Variants in ANKRD12 observed in about 807,000 individuals in gnomAD.
The protein encoded by ANKRD12 is ankyrin repeat domain 12, also known as ankyrin repeat domain-containing protein 12.
ANKRD12 carries 85 observed loss-of-function variants against 183.4 expected under a neutral mutation model. The ratio of observed to expected loss-of-function variants is 0.46; its 90% confidence interval spans 0.39 to 0.56. ANKRD12 has a LOEUF of 0.56. Among genes scored for constraint, ANKRD12 ranks in the 20% least tolerant of loss-of-function variants. The probability of loss-of-function intolerance (pLI) is 0.00; values close to 1 mark genes in which losing one functional copy is unlikely to be tolerated. For missense variants in ANKRD12, 2,405 were observed against 2,357.1 expected, an observed-to-expected ratio of 1.02 and a Z score of -0.42; for synonymous variants, 914 against 800.2, an observed-to-expected ratio of 1.14 and a Z score of -2.40.
intron 2 of ANKRD12, among the ~76,000 whole-genome samples, chr18:9,184,723 T>C (rs911647050): frequency 2.0e-5 from 3 of 152,096 alleles, no homozygotes; most frequent in Non-Finnish European, 2.9e-5. Context: ...TCGCATGCCA[T>C]ACATTTAAAG....
chr18:9,162,455 G>A (rs1488442477), intron 1 of ANKRD12, among the ~76,000 whole-genome samples: 1 of 152,088 alleles, frequency 6.6e-6, no homozygotes, highest in Non-Finnish European at 1.5e-5. Context: ...TATCATTGAT[G>A]GGCATTGGGG....
chr18:9,260,927 G>A (rs1372221192), intron 9 of ANKRD12, among the ~76,000 whole-genome samples: 1 of 152,114 alleles, frequency 6.6e-6, no homozygotes, highest in South Asian at 2.1e-4. Flanking sequence ...GCACTGAGCT[G>A]AACTTACCCA....
In ANKRD12 at chr18:9,256,058, A is replaced by C. The variant is rs776264050; in HGVS notation, c.2791A>C (p.Met931Leu). 1 of 1,561,278 alleles carries C rather than the reference A, an allele frequency of 6.4e-7. No homozygotes were observed. The highest frequency in any genetic ancestry group is 8.6e-7 in the Non-Finnish European group (1 of 1,159,974). The change falls in exon 9 of 13, where the codon ATG becomes CTG. Residue 931 changes from methionine (M) to leucine (L), a missense_variant. Around this residue, in one of 7 missense-constraint regions of ANKRD12, gnomAD observed 1,983 missense variants for 1,725.9 expected, o/e 1.15. Coordinates refer to ENST00000262126, the MANE Select transcript of ANKRD12 (RefSeq NM_015208.5). ...HLAESKEKHL[M>L]EKKNKQSDNS... The stretch of plus-strand genomic sequence containing the variant: ...AGCAGAAAGCAAAGAAAAGCACTTG[A>C]TGGAGAAAAAAAATAAACAATCAGA...
At chr18:9,248,157 G>A (rs2038073038) in intron 8 of ANKRD12, among the ~76,000 whole-genome samples, 2 of 152,212 alleles carry the variant, frequency 1.3e-5, no homozygotes, top group Admixed American at 6.5e-5. Context: ...CAGTTTACCT[G>A]TAGTGATTTG....
rs1340139102 is a variant in ANKRD12, at chr18:9,283,573, T to A, written c.*2447T>A. 6.6e-6 allele frequency: 1 copy of A among 152,612 alleles called. No individual in the cohort carries two copies. Among genetic ancestry groups the A allele is most frequent in the Admixed American group, 6.5e-5 (1 of 15,274 alleles). The allele number at this position is 152,612 out of a possible 1,614,324, so 9.5% of individuals were successfully genotyped here. Reference sequence around the variant, plus strand: ...GAATGGAGTATATGCCTGAAAAGGTTTTGGATTCAGAAAGAAAAAGGATGG... The same window carrying A: ...GAATGGAGTATATGCCTGAAAAGGTATTGGATTCAGAAAGAAAAAGGATGG... On this transcript the variant is annotated 3_prime_UTR_variant, in exon 13 of 13. Coordinates refer to ENST00000262126, the MANE Select transcript of ANKRD12 (RefSeq NM_015208.5).
intron 8 of ANKRD12, among the ~76,000 whole-genome samples, chr18:9,237,312 A>T (rs1272738031): frequency 6.6e-6 from 1 of 152,210 alleles, no homozygotes; most frequent in Non-Finnish European, 1.5e-5. Context: ...TTGGTCAAAG[A>T]TTGATGGTCA....
intron 10 of ANKRD12, among the ~76,000 whole-genome samples, chr18:9,271,848 A>G (rs969498267): frequency 6.6e-6 from 1 of 152,172 alleles, no homozygotes; most frequent in Non-Finnish European, 1.5e-5. Flanking sequence ...AAATAAAGAC[A>G]TAATTTTTTC....
chr18:9,192,129 T>C (rs1402642043), intron 2 of ANKRD12, among the ~76,000 whole-genome samples: 1 of 152,154 alleles, frequency 6.6e-6, no homozygotes, highest in African/African-American at 2.4e-5. Flanking sequence ...AGCAGTAATA[T>C]CCTGATTTGT....
Position 9,211,852 on chromosome 18 carries a change from A to T in ANKRD12, c.652+68A>T, listed in dbSNP as rs2035820630. ...TTAAACAGATCCTGGTTACAATTTA[A>T]TCTACATTCTTTTATTCATTTTGCT... On this transcript the variant is annotated intron_variant, in intron 6 of 12. Transcript: ENST00000262126. 4 of 1,296,316 alleles carry T rather than the reference A, an allele frequency of 3.1e-6. No individual in the cohort carries two copies. In the Admixed American group the frequency reaches 8.1e-5, roughly 26 times the overall value. 80.3% of individuals were successfully genotyped at this position (1,296,316 alleles called of 1,614,324 possible).
intron 6 of ANKRD12, among the ~76,000 whole-genome samples, chr18:9,212,774 TATC>T (rs1325459937): frequency 6.6e-6 from 1 of 151,914 alleles, no homozygotes; most frequent in African/African-American, 2.4e-5. Flanking sequence ...AACTGGATAT[TATC>T]AACTTTTAAT....
chr18:9,214,351 A>G (rs1315106730), intron 6 of ANKRD12, among the ~76,000 whole-genome samples: 1 of 151,214 alleles, frequency 6.6e-6, no homozygotes, highest in Admixed American at 6.6e-5. Flanking sequence ...GTATTAAATC[A>G]TAGCTGCATA....
At position 9,266,845 on chromosome 18, in the gene ANKRD12, C is replaced by T. The variant is rs550728646; in HGVS notation, c.5763+2957C>T. Reference sequence around the variant, plus strand: ...GCAAATTGGATAAAGAGTCAAGACCCATCAGTGTGCTGTATTCAGGAAACC... The same window carrying T: ...GCAAATTGGATAAAGAGTCAAGACCTATCAGTGTGCTGTATTCAGGAAACC... On this transcript the variant is annotated intron_variant, in intron 10 of 12. Transcript: ENST00000262126. Among the ~76,000 whole-genome samples, 619 of 152,242 alleles carry T rather than the reference C, an allele frequency of 4.1e-3. 4 individuals are homozygous for T. Among genetic ancestry groups the T allele is most frequent in the African/African-American group, 0.014 (583 of 41,542 alleles).
At chr18:9,151,692 C>T (rs964376389) in intron 1 of ANKRD12, among the ~76,000 whole-genome samples, 1 of 152,090 alleles carries the variant, frequency 6.6e-6, no homozygotes, top group African/African-American at 2.4e-5. Context: ...TCGAAGAAAG[C>T]GTTTTTGCCC....
At position 9,252,240 on chromosome 18, in the gene ANKRD12, G is replaced by C. The variant is rs541700863; in HGVS notation, c.944-1971G>C. On this transcript the variant is annotated intron_variant, in intron 8 of 12. Coordinates refer to ENST00000262126, the MANE Select transcript of ANKRD12 (RefSeq NM_015208.5). ...TGAGTGATTAAATTTAAAAATTGGG[G>C]ACTGCTCAGGTAAAGAAAGGGAAGT... is the stretch of plus-strand genomic sequence containing the variant. Among the ~76,000 whole-genome samples the C allele has an allele frequency of 3.3e-5, 5 of 152,292 alleles. No homozygotes were observed. The South Asian group carries it at 1.0e-3, about 32-fold the overall frequency.
At chr18:9,154,364 A>G (rs939026828) in intron 1 of ANKRD12, among the ~76,000 whole-genome samples, 3 of 152,126 alleles carry the variant, frequency 2.0e-5, no homozygotes, top group Admixed American at 6.5e-5. Flanking sequence ...GTGCACCATG[A>G]TCATGCCACT....
chr18:9,185,085 T>C (rs1188838412), intron 2 of ANKRD12, among the ~76,000 whole-genome samples: 1 of 152,074 alleles, frequency 6.6e-6, no homozygotes, highest in Non-Finnish European at 1.5e-5. Flanking sequence ...AAAGTGAAAG[T>C]AAAGGGTAGT....
chr18:9,247,662 T>C (rs758841013), intron 8 of ANKRD12, among the ~76,000 whole-genome samples: 1 of 152,220 alleles, frequency 6.6e-6, no homozygotes, highest in African/African-American at 2.4e-5. Flanking sequence ...TCTATAGATA[T>C]TCCCCCTCCT....
At chr18:9,196,008 A>G (rs2034761428) in intron 3 of ANKRD12, among the ~76,000 whole-genome samples, 1 of 152,120 alleles carries the variant, frequency 6.6e-6, no homozygotes, top group African/African-American at 2.4e-5. Flanking sequence ...GCATTGGGAT[A>G]TGCAGATTTG....
intron 1 of ANKRD12, among the ~76,000 whole-genome samples, chr18:9,157,557 G>A (rs4798779): frequency 0.59 from 53,429 of 90,214 alleles, 13,147 homozygotes; most frequent in South Asian, 0.66. Flanking sequence ...GTGGGTGTGT[G>A]TGTGTGTGTG....
Sources: allele counts gnomAD v4.1 joint callset (sites outside exome capture counted in the v4.1 genomes callset), GRCh38; gene constraint gnomAD v4.1.1; regional missense constraint gnomAD v4.1.1; transcripts MANE v1.5; gene names NCBI Gene and HGNC (gene_info 2026-07-23, HGNC 2026-07-21).